NME7: variants seen among roughly 807,000 people sequenced by gnomAD.
The protein encoded by NME7 is NME/NM23 family member 7.
A neutral mutation model predicts 49.1 loss-of-function variants in NME7; 41 were observed. The ratio of observed to expected loss-of-function variants is 0.83; its 90% CI spans 0.65 to 1.08. NME7 has a LOEUF of 1.08. Among genes scored for constraint, NME7 ranks in the 50% least tolerant of loss-of-function variants. The pLI is 0.00. For synonymous variants in NME7, 139 were observed against 150.6 expected (o/e 0.92, Z 0.56); for missense variants, 423 against 463.4 (o/e 0.91, Z 0.80).
chr1:169,132,698 G>A lies in NME7; in HGVS notation c.*87C>T, dbSNP rs545011906. 56 of 1,273,780 alleles carry A rather than the reference G, an allele frequency of 4.4e-5. No homozygotes were observed. The African/African-American group carries it at 6.5e-4, about 15-fold the overall frequency. The allele number at this position is 1,273,780 out of a possible 1,614,324, so 78.9% of individuals were successfully genotyped here. On this transcript the variant is annotated 3_prime_UTR_variant, in exon 12 of 12. Transcript: ENST00000367811. ...TTGTATTCAGTCAGGTTAAAACAAC[G>A]GACAATAAAAGAATGAACACATTCC...
At chr1:169,287,187 G>T in intron 7 of NME7, 116 bp downstream of exon 7, 3 of 878,036 alleles carry the variant, frequency 3.4e-6, no homozygotes, top group South Asian at 1.6e-5. Context: ...TGCCTTCAAA[G>T]AAAAAAAATG....
chr1:169,358,904 T>G (rs1490385830), intron 1 of NME7, among the ~76,000 whole-genome samples: 1 of 152,154 alleles, frequency 6.6e-6, no homozygotes, highest in Admixed American at 6.5e-5. Context: ...CACCTAGTTA[T>G]TTCCTTTTTA....
At chr1:169,259,721 T>C (rs1440832074) in intron 7 of NME7, among the ~76,000 whole-genome samples, 3 of 134,250 alleles carry the variant, frequency 2.2e-5, no homozygotes, top group East Asian at 2.0e-4. Context: ...TTTCATTTCA[T>C]ATATGAAACT....
intron 5 of NME7, among the ~76,000 whole-genome samples, chr1:169,300,610 A>G (rs552743907): frequency 6.6e-6 from 1 of 152,192 alleles, no homozygotes; most frequent in South Asian, 2.1e-4. Context: ...AACAAAATAT[A>G]TATCAAACTA....
At chr1:169,175,013 T>A (rs534593880) in intron 10 of NME7, among the ~76,000 whole-genome samples, 1 of 151,944 alleles carries the variant, frequency 6.6e-6, no homozygotes, top group African/African-American at 2.4e-5. Context: ...TTTTTTAACT[T>A]TTTTTGACTC....
intron 1 of NME7, among the ~76,000 whole-genome samples, chr1:169,355,021 A>ATAATATACTATAT (rs1653348258): frequency 2.3e-5 from 1 of 43,236 alleles, no homozygotes; most frequent in South Asian, 4.4e-4. Context: ...TATATAATAT[A>ATAATATACTATAT]ATTATATATT....
chr1:169,249,434 T>C (rs1336091004), intron 7 of NME7, among the ~76,000 whole-genome samples: 2 of 151,996 alleles, frequency 1.3e-5, no homozygotes, highest in African/African-American at 4.8e-5. Flanking sequence ...TGAACAGCAA[T>C]AGCTTGATGT....
chr1:169,350,196 GAAGGAAAGA>G (rs945159166), intron 1 of NME7, among the ~76,000 whole-genome samples: 40 of 138,610 alleles, frequency 2.9e-4, no homozygotes, highest in Non-Finnish European at 4.4e-4. Flanking sequence ...GGAAGGAAAG[GAAGGAAAGA>G]AAGGAAAGAA....
At chr1:169,213,465 C>A (rs193152537) in intron 10 of NME7, among the ~76,000 whole-genome samples, 1 of 152,222 alleles carries the variant, frequency 6.6e-6, no homozygotes, top group African/African-American at 2.4e-5. Flanking sequence ...TTAAATTTTG[C>A]CAACCTCACT....
chr1:169,250,610 G>A (rs745564353), intron 7 of NME7, among the ~76,000 whole-genome samples: 3 of 151,886 alleles, frequency 2.0e-5, no homozygotes, highest in Non-Finnish European at 4.4e-5. Context: ...TAGGTATTTA[G>A]CACTATAAAT....
At chr1:169,345,007 G>T (rs1397566920) in intron 1 of NME7, among the ~76,000 whole-genome samples, 1 of 152,094 alleles carries the variant, frequency 6.6e-6, no homozygotes, top group Non-Finnish European at 1.5e-5. Context: ...TAATTCAATT[G>T]CTTTATTTAG....
chr1:169,298,154 T>C (rs1169272544), intron 6 of NME7, among the ~76,000 whole-genome samples: 1 of 152,140 alleles, frequency 6.6e-6, no homozygotes, highest in Admixed American at 6.6e-5. Flanking sequence ...AGGAAAATAA[T>C]AGGATGTTAA....
chr1:169,342,240 G>A (rs2101962764), intron 1 of NME7, among the ~76,000 whole-genome samples: 1 of 152,072 alleles, frequency 6.6e-6, no homozygotes, highest in African/African-American at 2.4e-5. Flanking sequence ...GAGTCCTCAT[G>A]AGATCTAATG....
chr1:169,224,223 A>G (rs1238134946), intron 10 of NME7, among the ~76,000 whole-genome samples: 1 of 152,116 alleles, frequency 6.6e-6, no homozygotes, highest in Admixed American at 6.5e-5. Context: ...GCTGCCTCCA[A>G]GTGTGAATGC....
chr1:169,301,379 T>C lies in NME7; in HGVS notation c.440+1766A>G, dbSNP rs12739381. 5.7e-4 allele frequency among the ~76,000 whole-genome samples: 87 copies of C among 152,220 alleles called. 2 individuals are homozygous for C. Among genetic ancestry groups the C allele is most frequent in the Middle Eastern group, 6.8e-3 (2 of 294 alleles). ...AAATCAAAACCACAATGAGATACCA[T>C]TTCACACCAGTCAGAATGGTTATTA... On this transcript the variant is annotated intron_variant, in intron 5 of 11. Transcript: ENST00000367811.
At chr1:169,197,941 G>C (rs962229749) in intron 10 of NME7, among the ~76,000 whole-genome samples, 3 of 152,046 alleles carry the variant, frequency 2.0e-5, no homozygotes, top group African/African-American at 7.2e-5. Flanking sequence ...CACAGAATGG[G>C]AGAAAATATT....
At chr1:169,257,018 T>C (rs540222766) in intron 7 of NME7, among the ~76,000 whole-genome samples, 7 of 131,624 alleles carry the variant, frequency 5.3e-5, no homozygotes, top group African/African-American at 1.5e-4. Context: ...TGTCTTTTTG[T>C]TTGTCTGTGC....
chr1:169,233,801 C>T (rs1461888187), intron 9 of NME7, among the ~76,000 whole-genome samples: 2 of 152,114 alleles, frequency 1.3e-5, no homozygotes, highest in Non-Finnish European at 2.9e-5. Context: ...ACACAAATGT[C>T]AAAGCCAAAT....
intron 1 of NME7, among the ~76,000 whole-genome samples, chr1:169,341,749 T>C (rs1652710855): frequency 6.6e-6 from 1 of 152,168 alleles, no homozygotes; most frequent in Admixed American, 6.5e-5. Flanking sequence ...GAGGAGACCA[T>C]TCTGGAGCTT....
Sources: gnomAD v4.1 joint callset for allele counts (sites outside exome capture counted in the v4.1 genomes callset) on GRCh38, gnomAD v4.1.1 for gene constraint, MANE v1.5 for transcripts, NCBI Gene and HGNC (gene_info 2026-07-23, HGNC 2026-07-21) for gene names.